The following ZFAT variants were observed in gnomAD, a reference collection of about 807,000 sequenced individuals.
ZFAT encodes the protein zinc finger protein ZFAT.
In ZFAT, 64 loss-of-function variants were observed where a neutral mutation model predicts 117.7. The ratio of observed to expected loss-of-function variants is 0.54; its 90% CI spans 0.44 to 0.67. The LOEUF is 0.67. Among genes scored for constraint, ZFAT ranks in the 30% least tolerant of loss-of-function variants. The pLI is 0.00. For synonymous variants in ZFAT, 679 were observed against 615.0 expected, an observed-to-expected ratio of 1.10 and a Z score of -1.54; for missense variants, 1,433 against 1,584.5, an observed-to-expected ratio of 0.90 and a Z score of 1.62.
chr8:134,539,277 G>A (rs1407680856), intron 11 of ZFAT, among the ~76,000 whole-genome samples: 2 of 152,212 alleles, frequency 1.3e-5, no homozygotes, highest in Non-Finnish European at 2.9e-5. Context: ...GCAATGTACA[G>A]GATGGCTTTT....
chr8:134,571,861 T>A (rs889847584), intron 10 of ZFAT, among the ~76,000 whole-genome samples: 2 of 152,342 alleles, frequency 1.3e-5, no homozygotes, highest in Admixed American at 1.3e-4. Context: ...AGAGTTAAGC[T>A]GGGACACTTT....
At chr8:134,524,705 G>A (rs569214287) in intron 12 of ZFAT, among the ~76,000 whole-genome samples, 1 of 152,284 alleles carries the variant, frequency 6.6e-6, no homozygotes, top group African/African-American at 2.4e-5. Context: ...TACTGAGGTT[G>A]AGAAGCCCTG....
intron 15 of ZFAT, among the ~76,000 whole-genome samples, chr8:134,493,778 G>C (rs1818226187): frequency 6.6e-6 from 1 of 152,196 alleles, no homozygotes; most frequent in South Asian, 2.1e-4. Flanking sequence ...ATGCACTTAA[G>C]CTGCTGCCCG....
intron 11 of ZFAT, among the ~76,000 whole-genome samples, chr8:134,539,486 G>A (rs934035227): frequency 1.3e-5 from 2 of 152,172 alleles, no homozygotes; most frequent in African/African-American, 4.8e-5. Context: ...AAGAATAAAG[G>A]CAAAACAGAA....
chr8:134,537,117 C>T (rs1397379042), intron 11 of ZFAT, among the ~76,000 whole-genome samples: 1 of 152,200 alleles, frequency 6.6e-6, no homozygotes, highest in Non-Finnish European at 1.5e-5. Flanking sequence ...TGCCAGATAG[C>T]TCTAAATGTT....
intron 1 of ZFAT, among the ~76,000 whole-genome samples, chr8:134,684,672 C>G (rs979601471): frequency 6.6e-6 from 1 of 151,994 alleles, no homozygotes; most frequent in African/African-American, 2.4e-5. Context: ...ATAAAATGAC[C>G]CAAAAAATAA....
the ZFAT span, among the ~76,000 whole-genome samples, chr8:134,815,919 C>A: frequency 6.6e-6 from 1 of 152,182 alleles, no homozygotes; most frequent in African/African-American, 2.4e-5. Context: ...TAGTTTATTC[C>A]TTTCCTTGTT....
intron 1 of ZFAT, among the ~76,000 whole-genome samples, chr8:134,677,241 A>G (rs1832849939): frequency 1.3e-5 from 2 of 152,222 alleles, no homozygotes; most frequent in African/African-American, 4.8e-5. Context: ...AATAGACGCA[A>G]TAAAAAATGA....
the ZFAT span, among the ~76,000 whole-genome samples, chr8:134,801,958 C>G: frequency 1.3e-5 from 2 of 152,152 alleles, no homozygotes; most frequent in African/African-American, 2.4e-5. Flanking sequence ...TATGTTCCAC[C>G]CCAGACCTAC....
the ZFAT span, among the ~76,000 whole-genome samples, chr8:134,780,997 T>C: frequency 0.02 from 3,038 of 152,314 alleles, 116 homozygotes; most frequent in African/African-American, 0.069. Flanking sequence ...ATTGGCATAG[T>C]ATTTTATCAT....
At chr8:134,566,572 C>G (rs955219440) in intron 10 of ZFAT, among the ~76,000 whole-genome samples, 9 of 152,152 alleles carry the variant, frequency 5.9e-5, no homozygotes, top group Non-Finnish European at 1.3e-4. Context: ...TGGCCTACTT[C>G]GTATAGCAGT....
At chr8:134,805,970 C>T in the ZFAT span, among the ~76,000 whole-genome samples, 1 of 151,602 alleles carries the variant, frequency 6.6e-6, no homozygotes, top group African/African-American at 2.4e-5. Flanking sequence ...GAGTGAGACC[C>T]TGTCTCAAAA....
At chr8:134,812,413 T>C in the ZFAT span, among the ~76,000 whole-genome samples, 1 of 152,110 alleles carries the variant, frequency 6.6e-6, no homozygotes, top group African/African-American at 2.4e-5. Flanking sequence ...TGAGAGAACT[T>C]AACTAATAAA....
chr8:134,496,137 C>T (rs373773434), intron 15 of ZFAT, among the ~76,000 whole-genome samples: 1 of 152,158 alleles, frequency 6.6e-6, no homozygotes, highest in East Asian at 1.9e-4. Context: ...GACTCAGCCA[C>T]GTGCCAGGCA....
rs773168132 is a variant in ZFAT at position 134,520,968 on chromosome 8, T to C, written c.3149A>G (p.Tyr1050Cys). The change falls in exon 13 of 16, where the codon TAT becomes TGT. Residue 1050 changes from tyrosine (Y) to cysteine (C), a missense_variant. Physicochemically the swap from Tyr to Cys is radical, Grantham distance 194. Around this residue, in one of 5 missense-constraint regions of ZFAT, gnomAD observed 503 missense variants for 543.4 expected, o/e 0.93. Transcript: ENST00000377838. ...GLKCPVCSFV[Y>C]GTKWEFNRHL... ...CCTATTGAACTCCCATTTGGTGCCATATACAAAGCTGCAAACAGGACACTT... is the reference window on the plus strand; with the variant it reads ...CCTATTGAACTCCCATTTGGTGCCACATACAAAGCTGCAAACAGGACACTT... 5.0e-6 allele frequency: 8 copies of C among 1,613,704 alleles called. No individual in the cohort carries two copies. The highest frequency in any genetic ancestry group is 6.8e-6 in the Non-Finnish European group (8 of 1,179,838).
chr8:134,675,575 C>T (rs1832758463), intron 1 of ZFAT, among the ~76,000 whole-genome samples: 1 of 152,122 alleles, frequency 6.6e-6, no homozygotes, highest in Non-Finnish European at 1.5e-5. Flanking sequence ...GCAAGGCCGG[C>T]CAACATTCAA....
At chr8:134,793,731 C>CCGGGG in the ZFAT span, 1,990 of 117,626 alleles carry the variant, frequency 0.017, 22 homozygotes, top group Non-Finnish European at 0.027. Flanking sequence ...AGTCAAGAGT[C>CCGGGG]CGGGGGCTGG....
chr8:134,658,032 C>T (rs187401424), intron 1 of ZFAT, among the ~76,000 whole-genome samples: 10 of 152,328 alleles, frequency 6.6e-5, no homozygotes, highest in Non-Finnish European at 1.0e-4. Context: ...GGGATAAGTA[C>T]AGCCAAGTAA....
At chr8:134,820,234 C>G in the ZFAT span, among the ~76,000 whole-genome samples, 18 of 152,276 alleles carry the variant, frequency 1.2e-4, no homozygotes, top group Non-Finnish European at 4.4e-5. Context: ...TAGTGGATCA[C>G]AAACCCAGGG....
Sources: gnomAD v4.1 joint callset for allele counts (sites outside exome capture counted in the v4.1 genomes callset) on GRCh38, gnomAD v4.1.1 for gene constraint, gnomAD v4.1.1 regional missense constraint, MANE v1.5 for transcripts, NCBI Gene and HGNC (gene_info 2026-07-23, HGNC 2026-07-21) for gene names.